Variants in LRP12 observed in about 807,000 individuals in gnomAD.
LRP12 encodes LDL receptor related protein 12.
Under a neutral mutation model 66.0 loss-of-function variants are expected in LRP12, and 14 were observed. The observed-to-expected ratio is 0.21, with a 90% CI of 0.14 to 0.33. LRP12 has a LOEUF of 0.33. LRP12 is among the 10% of genes least tolerant of loss of function. The pLI, the probability that LRP12 is intolerant of heterozygous loss-of-function variation, is 1.00. For missense variants in LRP12, 889 were observed against 1,053.4 expected, an observed-to-expected ratio of 0.84 and a Z score of 2.16; for synonymous variants, 357 against 359.1, an observed-to-expected ratio of 0.99 and a Z score of 0.07.
intron 4 of LRP12, among the ~76,000 whole-genome samples, chr8:104,498,892 T>C (rs1000719442): frequency 1.7e-4 from 26 of 152,310 alleles, no homozygotes; most frequent in Admixed American, 5.2e-4. Flanking sequence ...TTAGACACAA[T>C]TTAAGAAAAG....
chr8:104,580,358 T>TACA (rs1554712302), intron 1 of LRP12, among the ~76,000 whole-genome samples: 3,795 of 92,068 alleles, frequency 0.041, 62 homozygotes, highest in South Asian at 0.062. Context: ...CTACTAAAAA[T>TACA]AAAAAAAAAA....
At chr8:104,544,808 T>A (rs748262347) in intron 1 of LRP12, among the ~76,000 whole-genome samples, 1 of 152,186 alleles carries the variant, frequency 6.6e-6, no homozygotes, top group Non-Finnish European at 1.5e-5. Context: ...GATGGAGATA[T>A]ATAAGGAAAT....
In LRP12 at chr8:104,498,084, G is replaced by C; in HGVS notation, c.476-8C>G. 3 of 1,568,106 alleles carry C rather than the reference G, an allele frequency of 1.9e-6. No individual in the cohort carries two copies. The highest frequency in any genetic ancestry group is 2.6e-6 in the Non-Finnish European group (3 of 1,158,778). ...TTGGTTCCTCAGATTTCCCTGTGAA[G>C]ATGTGAGTAGAAATAGATGGAAAGA... On this transcript the variant is annotated splice_polypyrimidine_tract_variant and splice_region_variant and intron_variant, in intron 4 of 6. Coordinates refer to ENST00000276654, the MANE Select transcript of LRP12 (RefSeq NM_013437.5).
chr8:104,571,827 T>G (rs772891109), intron 1 of LRP12, among the ~76,000 whole-genome samples: 7 of 152,196 alleles, frequency 4.6e-5, no homozygotes, highest in Non-Finnish European at 1.0e-4. Context: ...TGATCTGAGG[T>G]GGAACAGTTT....
At chr8:104,503,975 A>G (rs2959032) in intron 3 of LRP12, among the ~76,000 whole-genome samples, 6,160 of 152,182 alleles carry the variant, frequency 0.04, 186 homozygotes, top group South Asian at 0.075. Context: ...AGGTTAAGGA[A>G]ATTCCTTTTC....
At chr8:104,523,392 AG>A in intron 2 of LRP12, among the ~76,000 whole-genome samples, 1 of 152,370 alleles carries the variant, frequency 6.6e-6, no homozygotes, top group East Asian at 1.9e-4. Flanking sequence ...GACCACACAC[AG>A]TACCATTTAC....
At chr8:104,575,978 A>G (rs1478333893) in intron 1 of LRP12, among the ~76,000 whole-genome samples, 4 of 152,174 alleles carry the variant, frequency 2.6e-5, no homozygotes, top group South Asian at 2.1e-4. Context: ...TAATGCAATC[A>G]TAAGTATTAA....
intron 3 of LRP12, chr8:104,506,208 T>A (rs2140840534): frequency 6.6e-6 from 1 of 152,238 alleles, no homozygotes; most frequent in Non-Finnish European, 1.5e-5. Flanking sequence ...TGCTATGTAT[T>A]TTTTTTAATG....
chr8:104,558,319 T>C (rs1227627432), intron 1 of LRP12, among the ~76,000 whole-genome samples: 20 of 152,066 alleles, frequency 1.3e-4, no homozygotes, highest in Non-Finnish European at 1.5e-5. Context: ...TCAATTGATC[T>C]TTGACAAAGC....
At chr8:104,533,909 G>A (rs1382727060) in intron 1 of LRP12, among the ~76,000 whole-genome samples, 1 of 151,978 alleles carries the variant, frequency 6.6e-6, no homozygotes, top group African/African-American at 2.4e-5. Flanking sequence ...ATTGAAGATT[G>A]TGGATTCTGA....
intron 3 of LRP12, among the ~76,000 whole-genome samples, chr8:104,503,687 T>C (rs1039603846): frequency 3.3e-5 from 5 of 152,200 alleles, no homozygotes; most frequent in Non-Finnish European, 7.4e-5. Flanking sequence ...CAAAGCTCTG[T>C]ACACAGTACT....
intron 2 of LRP12, among the ~76,000 whole-genome samples, chr8:104,528,765 T>A (rs561176919): frequency 2.0e-5 from 3 of 149,340 alleles, no homozygotes; most frequent in Admixed American, 2.0e-4. Flanking sequence ...ACAGAGAGAG[T>A]GAGACTCCAT....
At chr8:104,551,398 G>A (rs1403252562) in intron 1 of LRP12, among the ~76,000 whole-genome samples, 1 of 151,950 alleles carries the variant, frequency 6.6e-6, no homozygotes, top group Non-Finnish European at 1.5e-5. Flanking sequence ...AGATACTGGG[G>A]GTATATGTGC....
At chr8:104,566,939 G>A (rs1812013588) in intron 1 of LRP12, among the ~76,000 whole-genome samples, 2 of 151,766 alleles carry the variant, frequency 1.3e-5, no homozygotes, top group African/African-American at 4.8e-5. Context: ...TCTTATGTAT[G>A]TAAAGCAAAA....
intron 1 of LRP12, among the ~76,000 whole-genome samples, chr8:104,555,495 T>C (rs12676758): frequency 0.069 from 10,519 of 152,150 alleles, 414 homozygotes; most frequent in South Asian, 0.08. Context: ...GAAATGGCTA[T>C]TCTTATATCA....
chr8:104,497,825 T>A lies in LRP12; in HGVS notation c.727A>T (p.Ile243Phe), dbSNP rs1463852806. 6.2e-7 allele frequency: 1 copy of A among 1,614,220 alleles called. No individual in the cohort carries two copies. The highest frequency in any genetic ancestry group is 8.5e-7 in the Non-Finnish European group (1 of 1,180,038). Residue 243 changes from isoleucine to phenylalanine, a missense_variant, in exon 5 of 7, where the codon ATT becomes TTT. Transcript: ENST00000276654. The surrounding 1 kb of genome is among the most constrained non-coding windows in gnomAD (Gnocchi z 4.3). ...TCATCTCCTAGGTCAAGGCAGTCAA[T>A]GTTCCCATCACATTTTAAAGATTCG... is the stretch of plus-strand genomic sequence containing the variant. The part of the protein sequence containing the change: ...LPESLKCDGN[I>F]DCLDLGDEID...
intron 1 of LRP12, among the ~76,000 whole-genome samples, chr8:104,583,183 T>C (rs1812282427): frequency 6.6e-6 from 1 of 152,132 alleles, no homozygotes; most frequent in Non-Finnish European, 1.5e-5. Context: ...AATGTGACTG[T>C]TTCAAAACAT....
intron 6 of LRP12, among the ~76,000 whole-genome samples, chr8:104,493,633 G>A (rs982144624): frequency 6.6e-6 from 1 of 152,226 alleles, no homozygotes; most frequent in African/African-American, 2.4e-5. Flanking sequence ...GTCATGTAGG[G>A]TGAGGGCTTT....
intron 1 of LRP12, among the ~76,000 whole-genome samples, chr8:104,555,037 T>A (rs2140883231): frequency 6.6e-6 from 1 of 152,264 alleles, no homozygotes; most frequent in South Asian, 2.1e-4. Flanking sequence ...GCTTCATAAA[T>A]GAAAGATACA....
Sources: allele counts gnomAD v4.1 joint callset (sites outside exome capture counted in the v4.1 genomes callset), GRCh38; gene constraint gnomAD v4.1.1; non-coding constraint Gnocchi (gnomAD v3.1); transcripts MANE v1.5; gene names NCBI Gene and HGNC (gene_info 2026-07-23, HGNC 2026-07-21).